The following AGBL1 variants were observed in gnomAD, a reference collection of about 807,000 sequenced individuals.
The protein encoded by AGBL1 is AGBL carboxypeptidase 1.
A neutral mutation model predicts 118.9 loss-of-function variants in AGBL1; 130 were observed. The observed-to-expected ratio is 1.09, with a 90% CI of 0.95 to 1.26. AGBL1 has a LOEUF of 1.26. AGBL1 is among the 50% of genes most tolerant of loss of function. AGBL1 has a pLI of 0.00. For missense variants in AGBL1, 1,584 were observed against 1,298.1 expected (o/e 1.22, Z -3.38); for synonymous variants, 555 against 478.9 (o/e 1.16, Z -2.08).
intron 22 of AGBL1, among the ~76,000 whole-genome samples, chr15:86,721,663 A>T (rs2086723997): frequency 6.6e-6 from 1 of 152,250 alleles, no homozygotes; most frequent in Non-Finnish European, 1.5e-5. Context: ...CAGGGCAATT[A>T]GGCAGGAGAA....
chr15:86,152,720 G>A (rs1311734825), intron 3 of AGBL1, among the ~76,000 whole-genome samples: 1 of 152,162 alleles, frequency 6.6e-6, no homozygotes, highest in Non-Finnish European at 1.5e-5. Flanking sequence ...CCATCAGAGT[G>A]AACAGGCATC....
At chr15:86,712,526 C>A (rs1019636465) in intron 22 of AGBL1, among the ~76,000 whole-genome samples, 1 of 152,066 alleles carries the variant, frequency 6.6e-6, no homozygotes, top group African/African-American at 2.4e-5. Context: ...AAATAATGCC[C>A]AGGCTAAGTA....
chr15:86,374,834 T>C (rs1427867261), intron 17 of AGBL1, among the ~76,000 whole-genome samples: 1 of 152,242 alleles, frequency 6.6e-6, no homozygotes, highest in East Asian at 1.9e-4. Flanking sequence ...CATATTATCT[T>C]GAGCCAGTCA....
intron 17 of AGBL1, among the ~76,000 whole-genome samples, chr15:86,365,070 T>TAC (rs199943058): frequency 6.7e-6 from 1 of 149,380 alleles, no homozygotes; most frequent in African/African-American, 2.5e-5. Flanking sequence ...CATATATATA[T>TAC]ACACACACAC....
chr15:86,874,223 T>G (rs1252237673), intron 22 of AGBL1, among the ~76,000 whole-genome samples: 1 of 152,158 alleles, frequency 6.6e-6, no homozygotes, highest in Non-Finnish European at 1.5e-5. Context: ...CCACAGGGCA[T>G]GGTAACTGTC....
At chr15:86,726,960 G>C (rs905787627) in intron 22 of AGBL1, among the ~76,000 whole-genome samples, 2 of 151,628 alleles carry the variant, frequency 1.3e-5, no homozygotes, top group Non-Finnish European at 2.9e-5. Context: ...TCGTTGGTCA[G>C]ATACACGTGG....
At chr15:86,141,263 G>T (rs746232518) in intron 1 of AGBL1, among the ~76,000 whole-genome samples, 4 of 152,200 alleles carry the variant, frequency 2.6e-5, no homozygotes, top group African/African-American at 7.2e-5. Flanking sequence ...ACCACCCTGG[G>T]ATTCTCCTGA....
At chr15:86,707,824 A>G (rs535529985) in intron 22 of AGBL1, among the ~76,000 whole-genome samples, 87 of 152,220 alleles carry the variant, frequency 5.7e-4, no homozygotes, top group African/African-American at 2.0e-3. Context: ...TCCTTTTTCA[A>G]TGGAGATGAG....
At chr15:86,576,347 C>T (rs950808515) in intron 21 of AGBL1, among the ~76,000 whole-genome samples, 11 of 151,670 alleles carry the variant, frequency 7.3e-5, no homozygotes, top group East Asian at 1.9e-4. Flanking sequence ...AGAATGGATT[C>T]GGAGAGACTT....
chr15:86,339,792 C>G (rs2080433390), intron 17 of AGBL1, among the ~76,000 whole-genome samples: 1 of 152,036 alleles, frequency 6.6e-6, no homozygotes, highest in Admixed American at 6.6e-5. Flanking sequence ...CATGATGAAA[C>G]CCCGTCTCTA....
intron 19 of AGBL1, among the ~76,000 whole-genome samples, chr15:86,539,224 C>G (rs1452715345): frequency 1.3e-5 from 2 of 152,220 alleles, no homozygotes; most frequent in African/African-American, 4.8e-5. Flanking sequence ...TGCATTTCTT[C>G]CTATGTTCCT....
intron 18 of AGBL1, among the ~76,000 whole-genome samples, chr15:86,461,964 CT>C (rs765808780): frequency 9.2e-5 from 14 of 152,208 alleles, no homozygotes; most frequent in Non-Finnish European, 1.8e-4. Context: ...CATACAACCC[CT>C]CCCTGCCTCA....
At chr15:87,028,838 T>A in exon 25 of AGBL1, 4 of 1,606,064 alleles carry the variant, frequency 2.5e-6, no homozygotes, top group Non-Finnish European at 3.4e-6. Flanking sequence ...TTGTGACACT[T>A]GATGAGGCTC....
At chr15:87,014,114 A>G (rs2081587419) in intron 24 of AGBL1, among the ~76,000 whole-genome samples, 1 of 152,178 alleles carries the variant, frequency 6.6e-6, no homozygotes, top group Non-Finnish European at 1.5e-5. Context: ...TGCTTGGTTT[A>G]AGGCTGACAG....
chr15:86,817,963 C>T (rs1254895336), intron 22 of AGBL1, among the ~76,000 whole-genome samples: 1 of 152,104 alleles, frequency 6.6e-6, no homozygotes, highest in Non-Finnish European at 1.5e-5. Context: ...AGTGATGGAT[C>T]TGTAAGCAAA....
intron 21 of AGBL1, among the ~76,000 whole-genome samples, chr15:86,624,845 T>G (rs1369813565): frequency 6.6e-6 from 1 of 152,162 alleles, no homozygotes; most frequent in African/African-American, 2.4e-5. Context: ...TTCCCTCTCC[T>G]GCCCACATTG....
intron 22 of AGBL1, among the ~76,000 whole-genome samples, chr15:86,896,592 C>G (rs1295822762): frequency 6.6e-6 from 1 of 152,006 alleles, no homozygotes; most frequent in East Asian, 1.9e-4. Flanking sequence ...TGTTGCGTTG[C>G]TAACATTACT....
At chr15:86,569,527 C>T (rs879912891) in intron 21 of AGBL1, among the ~76,000 whole-genome samples, 1 of 151,738 alleles carries the variant, frequency 6.6e-6, no homozygotes, top group Non-Finnish European at 1.5e-5. Flanking sequence ...TCAAGTGATG[C>T]CTTGCTGTTG....
At chr15:86,679,093 A>G (rs1207077922) in intron 22 of AGBL1, among the ~76,000 whole-genome samples, 1 of 152,048 alleles carries the variant, frequency 6.6e-6, no homozygotes, top group Non-Finnish European at 1.5e-5. Flanking sequence ...GCACTCTATA[A>G]TGAGTTGTTA....
Sources: gnomAD v4.1 joint callset for allele counts (sites outside exome capture counted in the v4.1 genomes callset) on GRCh38, gnomAD v4.1.1 for gene constraint, MANE v1.5 for transcripts, NCBI Gene and HGNC (gene_info 2026-07-23, HGNC 2026-07-21) for gene names.